Variants in DNM3 observed in about 807,000 individuals in gnomAD.
DNM3 encodes dynamin-3.
A neutral mutation model predicts 101.6 loss-of-function variants in DNM3; 47 were observed. The ratio of observed to expected loss-of-function variants is 0.46; its 90% CI spans 0.37 to 0.59. The LOEUF (loss-of-function observed/expected upper bound fraction) is 0.59, where lower values mean the gene tolerates loss of function less well. DNM3 is among the 20% of genes least tolerant of loss of function. DNM3 has a pLI of 0.00. For synonymous variants in DNM3, 385 were observed against 387.9 expected (o/e 0.99, Z 0.09); for missense variants, 849 against 1,085.7 (o/e 0.78, Z 3.06).
chr1:171,919,108 G>T (rs918983852), intron 1 of DNM3, among the ~76,000 whole-genome samples: 4 of 152,104 alleles, frequency 2.6e-5, no homozygotes, highest in African/African-American at 9.6e-5. Flanking sequence ...GGTCCTCACG[G>T]CTCAAACAGA....
At chr1:172,355,480 A>G (rs944110022) in intron 17 of DNM3, among the ~76,000 whole-genome samples, 3 of 152,154 alleles carry the variant, frequency 2.0e-5, no homozygotes, top group Admixed American at 6.6e-5. Flanking sequence ...GAGAGACTAC[A>G]TAAAATAGGT....
chr1:172,138,317 T>G (rs1014941226), intron 14 of DNM3: 1 of 150,416 alleles, frequency 6.6e-6, no homozygotes, highest in Non-Finnish European at 1.5e-5. Flanking sequence ...TTTTCTCCCT[T>G]TTCTTTTCTC....
At chr1:172,357,203 A>G (rs769774940) in intron 17 of DNM3, among the ~76,000 whole-genome samples, 1 of 152,140 alleles carries the variant, frequency 6.6e-6, no homozygotes. Flanking sequence ...AGAATCATCA[A>G]TGGATGTTAA....
chr1:172,369,493 C>CA (rs541183747), intron 17 of DNM3, among the ~76,000 whole-genome samples: 252 of 151,988 alleles, frequency 1.7e-3, no homozygotes, highest in African/African-American at 5.9e-3. Flanking sequence ...GCTTATATGA[C>CA]AAAACCACAG....
At chr1:172,217,690 T>G (rs1382440739) in intron 14 of DNM3, among the ~76,000 whole-genome samples, 2 of 152,164 alleles carry the variant, frequency 1.3e-5, no homozygotes. Flanking sequence ...CTCCACTCTC[T>G]CCTTACTTTT....
intron 10 of DNM3, among the ~76,000 whole-genome samples, chr1:172,056,750 G>C (rs1249279877): frequency 1.3e-5 from 2 of 152,054 alleles, no homozygotes; most frequent in Non-Finnish European, 2.9e-5. Flanking sequence ...GGAAAAAACA[G>C]AACAGAAAAA....
chr1:172,333,568 G>A (rs1425067125), intron 17 of DNM3, among the ~76,000 whole-genome samples: 1 of 152,086 alleles, frequency 6.6e-6, no homozygotes, highest in African/African-American at 2.4e-5. Context: ...AACTGTAGTT[G>A]TTTCTAAAGC....
intron 10 of DNM3, among the ~76,000 whole-genome samples, chr1:172,053,860 A>C (rs557669965): frequency 1.3e-5 from 2 of 151,952 alleles, no homozygotes; most frequent in South Asian, 4.2e-4. Flanking sequence ...TTTGCAAAGC[A>C]AAATAATCCT....
chr1:172,287,798 T>C (rs1040109429), intron 15 of DNM3, among the ~76,000 whole-genome samples: 34 of 137,132 alleles, frequency 2.5e-4, no homozygotes, highest in South Asian at 4.6e-4. Flanking sequence ...TATATATATA[T>C]ACACATGCAC....
chr1:172,195,534 T>G (rs942981272), intron 14 of DNM3, among the ~76,000 whole-genome samples: 1 of 151,916 alleles, frequency 6.6e-6, no homozygotes, highest in Non-Finnish European at 1.5e-5. Flanking sequence ...TGTCTCACCA[T>G]TAAGTATGAT....
chr1:171,844,957 G>A (rs376150785), intron 1 of DNM3, among the ~76,000 whole-genome samples: 1 of 152,122 alleles, frequency 6.6e-6, no homozygotes, highest in South Asian at 2.1e-4. Flanking sequence ...ACTATTCTGG[G>A]TGCTTTTATA....
At chr1:172,177,694 C>G (rs2059202724) in intron 14 of DNM3, among the ~76,000 whole-genome samples, 1 of 151,776 alleles carries the variant, frequency 6.6e-6, no homozygotes, top group Non-Finnish European at 1.5e-5. Context: ...TTAAAAGATA[C>G]CTAACTGTGT....
chr1:171,964,306 G>C (rs553571743), intron 2 of DNM3, among the ~76,000 whole-genome samples: 3 of 152,056 alleles, frequency 2.0e-5, no homozygotes. Flanking sequence ...GCTACTGGAG[G>C]CTTCACCTAC....
chr1:172,379,868 C>A (rs868102988), intron 18 of DNM3, among the ~76,000 whole-genome samples: 12 of 151,790 alleles, frequency 7.9e-5, no homozygotes, highest in African/African-American at 2.9e-4. Context: ...TTTTACAGTA[C>A]AAATAATACC....
intron 4 of DNM3, among the ~76,000 whole-genome samples, chr1:172,016,186 CAA>C (rs58031756): frequency 8.5e-5 from 7 of 81,928 alleles, no homozygotes; most frequent in Admixed American, 1.4e-4. Context: ...GACTCCATCT[CAA>C]AAAAAAAAAA....
chr1:172,304,004 G>A (rs1256921448), intron 15 of DNM3, among the ~76,000 whole-genome samples: 1 of 151,794 alleles, frequency 6.6e-6, no homozygotes, highest in African/African-American at 2.4e-5. Flanking sequence ...ACATCATAAT[G>A]TCAGGATCAG....
intron 17 of DNM3, among the ~76,000 whole-genome samples, chr1:172,326,014 C>T (rs544054878): frequency 6.6e-6 from 1 of 152,226 alleles, no homozygotes; most frequent in East Asian, 1.9e-4. Context: ...CAAAGACAGC[C>T]AAATTGATCT....
At chr1:172,416,855 GC>G (rs1205735120), downstream of DNM3, among the ~76,000 whole-genome samples, 1 of 152,024 alleles carries the variant, frequency 6.6e-6, no homozygotes, top group Non-Finnish European at 1.5e-5. Flanking sequence ...CCTAGCCCCT[GC>G]CCCGGCCCTG....
intron 4 of DNM3, among the ~76,000 whole-genome samples, chr1:172,024,518 G>A (rs907776663): frequency 1.3e-5 from 2 of 152,226 alleles, no homozygotes; most frequent in Non-Finnish European, 2.9e-5. Context: ...AGGCTGGCAA[G>A]CTGAATAGGA....
Sources: gnomAD v4.1 joint callset for allele counts (sites outside exome capture counted in the v4.1 genomes callset) on GRCh38, gnomAD v4.1.1 for gene constraint, MANE v1.5 for transcripts, NCBI Gene and HGNC (gene_info 2026-07-23, HGNC 2026-07-21) for gene names.